Variants in FREM3 observed in about 807,000 individuals in gnomAD.
The protein encoded by FREM3 is FRAS1 related extracellular matrix 3.
FREM3 carries 105 observed loss-of-function variants against 129.1 expected under a neutral mutation model. The observed-to-expected ratio is 0.81, with a 90% CI of 0.69 to 0.96. The LOEUF (loss-of-function observed/expected upper bound fraction) is 0.96, where lower values mean the gene tolerates loss of function less well. FREM3 is among the 40% of genes least tolerant of loss of function. The pLI, the probability that FREM3 is intolerant of heterozygous loss-of-function variation, is 0.00. For synonymous variants in FREM3, 1,014 were observed against 1,044.9 expected (o/e 0.97, Z 0.57); for missense variants, 2,593 against 2,666.3 (o/e 0.97, Z 0.61).
rs375464165 is a variant in FREM3 at position 143,624,269 on chromosome 4, T to C, written c.5492A>G (p.Gln1831Arg). ...DFKWKTNKQIQFNPGQTTATW... is the reference protein window; with the variant it reads ...DFKWKTNKQIRFNPGQTTATW... Reference sequence around the variant, plus strand: ...GGCTGTAGTCTGTCCAGGATTGAACTGGATCTGTTTATTGGTCTTCCATTT... The same window carrying C: ...GGCTGTAGTCTGTCCAGGATTGAACCGGATCTGTTTATTGGTCTTCCATTT... Residue 1831 changes from glutamine to arginine, a missense_variant, in exon 4 of 8, where the codon CAG (glutamine) becomes CGG (arginine). Gln to Arg is a conservative substitution (Grantham distance 43). This residue lies in a region of FREM3 where 317 missense variants were observed against 399.0 expected (regional missense o/e 0.79). Coordinates refer to ENST00000329798, the MANE Select transcript of FREM3 (RefSeq NM_001168235.2). 65 of 1,537,118 alleles carry C rather than the reference T, an allele frequency of 4.2e-5. 1 individual carries two copies. In the African/African-American group the frequency reaches 7.4e-4, roughly 17 times the overall value.
chr4:143,653,418 G>A (rs550450262), intron 2 of FREM3, among the ~76,000 whole-genome samples: 3 of 152,312 alleles, frequency 2.0e-5, no homozygotes, highest in South Asian at 2.1e-4. Flanking sequence ...CGGCAGTTCC[G>A]TGTCATGTGG....
At position 143,589,796 on chromosome 4, in the gene FREM3, A is replaced by G. The variant is rs1245173152; in HGVS notation, c.6029-3803T>C. 5.9e-5 allele frequency among the ~76,000 whole-genome samples: 9 copies of G among 152,276 alleles called. No individual in the cohort carries two copies. In the East Asian group the frequency reaches 7.7e-4, roughly 13 times the overall value. ...TGTGAAGAAAGTCATTGGTGTCTTG[A>G]TGGGGATGGCATTGAATCTGTAAAT... On this transcript the variant is annotated intron_variant, in intron 6 of 7. Coordinates refer to ENST00000329798, the MANE Select transcript of FREM3 (RefSeq NM_001168235.2).
intron 2 of FREM3, among the ~76,000 whole-genome samples, chr4:143,686,552 T>C (rs1046363570): frequency 6.6e-6 from 1 of 152,106 alleles, no homozygotes; most frequent in African/African-American, 2.4e-5. Flanking sequence ...TGAAACTTTC[T>C]CCAAGATACA....
At chr4:143,678,228 G>A (rs375248961) in intron 2 of FREM3, among the ~76,000 whole-genome samples, 2 of 151,562 alleles carry the variant, frequency 1.3e-5, no homozygotes, top group Non-Finnish European at 3.0e-5. Flanking sequence ...TGATGAGTTC[G>A]TGTCCTTTGT....
At chr4:143,661,337 T>A (rs1183862260) in intron 2 of FREM3, among the ~76,000 whole-genome samples, 2 of 152,220 alleles carry the variant, frequency 1.3e-5, no homozygotes, top group African/African-American at 4.8e-5. Flanking sequence ...TCTGCATCTA[T>A]TGAGATAATC....
intron 2 of FREM3, among the ~76,000 whole-genome samples, chr4:143,684,682 T>A (rs1326847084): frequency 3.9e-5 from 6 of 152,114 alleles, no homozygotes; most frequent in African/African-American, 1.4e-4. Flanking sequence ...GAAAACGAAT[T>A]CAAGAGGTTA....
At chr4:143,680,167 C>G (rs1740224794) in intron 2 of FREM3, among the ~76,000 whole-genome samples, 1 of 151,318 alleles carries the variant, frequency 6.6e-6, no homozygotes, top group East Asian at 1.9e-4. Flanking sequence ...CCATCATTGC[C>G]ATTATAAACC....
At chr4:143,591,494 T>G (rs971299007) in intron 6 of FREM3, among the ~76,000 whole-genome samples, 7 of 151,698 alleles carry the variant, frequency 4.6e-5, no homozygotes, top group African/African-American at 1.7e-4. Context: ...CATTTCGTTA[T>G]GTACCCAGTA....
intron 2 of FREM3, among the ~76,000 whole-genome samples, chr4:143,684,549 A>G (rs768301178): frequency 2.6e-5 from 4 of 152,178 alleles, no homozygotes; most frequent in Non-Finnish European, 4.4e-5. Context: ...GGCTACCCAA[A>G]TGAGAAGGAA....
chr4:143,666,856 G>A (rs1300230030), intron 2 of FREM3, among the ~76,000 whole-genome samples: 1 of 151,870 alleles, frequency 6.6e-6, no homozygotes, highest in Admixed American at 6.6e-5. Flanking sequence ...CCTAAGAATG[G>A]TTAAAATTAC....
At chr4:143,635,556 A>G (rs537102942) in intron 2 of FREM3, among the ~76,000 whole-genome samples, 2 of 152,300 alleles carry the variant, frequency 1.3e-5, no homozygotes, top group South Asian at 4.1e-4. Context: ...TGTGACAATC[A>G]AAACTATCTT....
At chr4:143,626,131 G>C (rs1739033752) in intron 3 of FREM3, among the ~76,000 whole-genome samples, 1 of 152,134 alleles carries the variant, frequency 6.6e-6, no homozygotes, top group Non-Finnish European at 1.5e-5. Flanking sequence ...TGGTTTAGAG[G>C]TTCCTGTCTG....
chr4:143,700,524 G>A lies in FREM3; in HGVS notation c.152C>T (p.Ala51Val), dbSNP rs1740680098. ...DPALYLPARG[A>V]LDGTRPDGPS... is the part of the protein sequence containing the mutation. ...GCCGTCGGGGCGAGTGCCGTCAAGC[G>A]CACCCCGGGCGGGCAGGTAAAGCGC... Residue 51 changes from alanine (A) to valine (V), a missense_variant, in exon 1 of 8, where the codon GCG becomes GTG. Transcript: ENST00000329798. The A allele has an allele frequency of 6.6e-7, 1 of 1,518,738 alleles. No homozygotes were observed. The highest frequency in any genetic ancestry group is 8.8e-7 in the Non-Finnish European group (1 of 1,136,548). 94.1% of individuals were successfully genotyped at this position (1,518,738 alleles called of 1,614,324 possible).
intron 2 of FREM3, among the ~76,000 whole-genome samples, chr4:143,663,064 G>T (rs1332087143): frequency 1.3e-5 from 2 of 152,002 alleles, no homozygotes; most frequent in Non-Finnish European, 2.9e-5. Flanking sequence ...CTTTTAATTG[G>T]AGCATTTAGT....
chr4:143,582,164 C>G (rs888213541), intron 7 of FREM3, among the ~76,000 whole-genome samples: 1 of 152,164 alleles, frequency 6.6e-6, no homozygotes, highest in Admixed American at 6.5e-5. Flanking sequence ...TCGTCACCCC[C>G]AAGCTGGAGA....
At chr4:143,596,662 C>G (rs79844722) in intron 6 of FREM3, among the ~76,000 whole-genome samples, 2,178 of 152,222 alleles carry the variant, frequency 0.014, 22 homozygotes, top group Non-Finnish European at 0.021. Context: ...TCAAGCCTCA[C>G]AGTGGTTCAT....
At position 143,637,766 on chromosome 4, in the gene FREM3, G is replaced by C. The variant is rs376862983; in HGVS notation, c.5276-10006C>G. ...AACCAAAAGAACAACAAAGATATGA[G>C]ATTTATGTGGTCCTTTTCCTAGTTG... On this transcript the variant is annotated intron_variant, in intron 2 of 7. Transcript: ENST00000329798. 8.5e-5 allele frequency among the ~76,000 whole-genome samples: 13 copies of C among 152,252 alleles called. 1 individual carries two copies. The highest frequency in any genetic ancestry group is 3.1e-4 in the African/African-American group (13 of 41,562).
At chr4:143,693,805 CGTT>C (rs1044078669) in intron 1 of FREM3, among the ~76,000 whole-genome samples, 2 of 152,106 alleles carry the variant, frequency 1.3e-5, no homozygotes, top group Admixed American at 6.6e-5. Flanking sequence ...TTCTTCTTCT[CGTT>C]GTTGTTTTTT....
At chr4:143,622,403 CT>C (rs35835336) in intron 4 of FREM3, among the ~76,000 whole-genome samples, 4,028 of 138,790 alleles carry the variant, frequency 0.029, 81 homozygotes, top group East Asian at 0.076. Context: ...TGGCAATCAT[CT>C]TTTTTTTTTT....
Sources: gnomAD v4.1 joint callset for allele counts (sites outside exome capture counted in the v4.1 genomes callset) on GRCh38, gnomAD v4.1.1 for gene constraint, gnomAD v4.1.1 regional missense constraint, MANE v1.5 for transcripts, NCBI Gene and HGNC (gene_info 2026-07-23, HGNC 2026-07-21) for gene names.